The following EEF1E1 variants were observed in gnomAD, a reference collection of about 807,000 sequenced individuals.
EEF1E1 encodes the protein eukaryotic translation elongation factor 1 epsilon 1, also known as eukaryotic translation elongation factor 1 epsilon-1.
In EEF1E1, 19 loss-of-function variants were observed where a neutral mutation model predicts 19.9. That is an observed-to-expected ratio of 0.95 (90% CI 0.66 to 1.40). EEF1E1 has a LOEUF of 1.40. Among genes scored for constraint, EEF1E1 ranks in the 40% most tolerant of loss-of-function variants. The pLI is 0.00. For missense variants in EEF1E1, 198 were observed against 202.2 expected (o/e 0.98, Z 0.13); for synonymous variants, 81 against 80.0 (o/e 1.01, Z -0.07).
intron 3 of EEF1E1, among the ~76,000 whole-genome samples, chr6:8,073,956 A>C (rs969078115): frequency 9.9e-5 from 15 of 152,204 alleles, no homozygotes; most frequent in African/African-American, 3.4e-4. Context: ...CCGACTACAC[A>C]TCTGGCCTCC....
chr6:8,087,001 G>A (rs756702115), intron 3 of EEF1E1, among the ~76,000 whole-genome samples: 10 of 152,168 alleles, frequency 6.6e-5, no homozygotes, highest in Non-Finnish European at 1.2e-4. Context: ...CCTCAATGTG[G>A]TTTAGGCGCC....
chr6:8,090,050 G>T (rs1423819004), intron 3 of EEF1E1, 136 bp downstream of exon 3: 2 of 561,060 alleles, frequency 3.6e-6, no homozygotes, highest in African/African-American at 2.0e-5. Context: ...GTTACAAAAG[G>T]CACCTTGTAT....
chr6:8,080,681 A>G (rs1409047823), intron 3 of EEF1E1, among the ~76,000 whole-genome samples: 1 of 152,258 alleles, frequency 6.6e-6, no homozygotes, highest in Non-Finnish European at 1.5e-5. Context: ...TAGGTGACTC[A>G]AAGACTTTTC....
chr6:8,095,797 C>G (rs1758157244), intron 2 of EEF1E1, among the ~76,000 whole-genome samples: 1 of 152,080 alleles, frequency 6.6e-6, no homozygotes, highest in Admixed American at 6.5e-5. Flanking sequence ...CTTAAAATAG[C>G]AAAACAAAAC....
downstream of EEF1E1, among the ~76,000 whole-genome samples, chr6:8,076,693 GAA>G (rs1373072116): frequency 3.9e-5 from 6 of 152,208 alleles, no homozygotes; most frequent in Non-Finnish European, 7.3e-5. Context: ...GCTGTAGAAT[GAA>G]TGTTGTGTTA....
At chr6:8,080,085 T>C in intron 3 of EEF1E1, 55 bp from the exon 4 acceptor site, 1 of 1,578,416 alleles carries the variant, frequency 6.3e-7, no homozygotes, top group Non-Finnish European at 8.7e-7. Flanking sequence ...TAAGCACAAC[T>C]GTTAATATCA....
chr6:8,094,439 A>G (rs2113660002), intron 2 of EEF1E1, among the ~76,000 whole-genome samples: 1 of 152,068 alleles, frequency 6.6e-6, no homozygotes, highest in Non-Finnish European at 1.5e-5. Flanking sequence ...TCTACTAAAA[A>G]TACAAAAAAA....
At chr6:8,102,353 G>A in intron 1 of EEF1E1, 82 bp downstream of exon 1, 1 of 1,389,688 alleles carries the variant, frequency 7.2e-7, no homozygotes, top group Non-Finnish European at 9.8e-7. Context: ...CCCGTATCTG[G>A]TGGCCGGCCC....
At chr6:8,080,834 T>C (rs1757705766) in intron 3 of EEF1E1, among the ~76,000 whole-genome samples, 1 of 152,246 alleles carries the variant, frequency 6.6e-6, no homozygotes, top group Non-Finnish European at 1.5e-5. Flanking sequence ...TGCAAGTCTC[T>C]ATAATGCTGA....
intron 3 of EEF1E1, among the ~76,000 whole-genome samples, chr6:8,080,318 C>A (rs926314659): frequency 6.6e-6 from 1 of 152,060 alleles, no homozygotes; most frequent in African/African-American, 2.4e-5. Flanking sequence ...ATTTGGAGGT[C>A]AAATAATTTG....
At chr6:8,102,140 T>C (rs1245335584) in intron 1 of EEF1E1, 7 of 1,290,002 alleles carry the variant, frequency 5.4e-6, no homozygotes, top group African/African-American at 3.1e-5. Context: ...CTAAGAGCCC[T>C]GTGAGGACCC....
intron 1 of EEF1E1, chr6:8,102,116 C>A: frequency 1.6e-6 from 2 of 1,279,462 alleles, no homozygotes; most frequent in Admixed American, 3.5e-5. Flanking sequence ...TTACTGAATA[C>A]ATTCCAGGTT....
rs1581455156 is a variant in EEF1E1 at position 8,079,952 on chromosome 6, T to A, written c.463A>T (p.Ile155Phe). The change falls in exon 4 of 4, where the codon ATC becomes TTC. Residue 155 changes from isoleucine (I) to phenylalanine (F), a missense_variant. Ile to Phe is a conservative substitution (Grantham distance 21). Coordinates refer to ENST00000379715, the MANE Select transcript of EEF1E1 (RefSeq NM_004280.5). ...WFCHIQHYPG[I>F]RQHLSSVVFI... ...ACAACACTAGACAGATGTTGCCTGA[T>A]GCCTGGATAATGCTGAATGTGACAA... The A allele has an allele frequency of 6.2e-7, 1 of 1,613,608 alleles. No homozygotes were observed. Among genetic ancestry groups the A allele is most frequent in the Non-Finnish European group, 8.5e-7 (1 of 1,179,954 alleles).
chr6:8,074,508 T>C (rs894443947), downstream of EEF1E1, among the ~76,000 whole-genome samples: 1 of 152,102 alleles, frequency 6.6e-6, no homozygotes, highest in African/African-American at 2.4e-5. Flanking sequence ...AAGAAACAGA[T>C]AATCAAAAAC....
chr6:8,074,585 T>C (rs536291415), downstream of EEF1E1, among the ~76,000 whole-genome samples: 11 of 152,250 alleles, frequency 7.2e-5, no homozygotes, highest in South Asian at 1.0e-3. Context: ...CATGAGGACA[T>C]TGACAAAGCA....
chr6:8,079,661 A>G lies in EEF1E1; in HGVS notation c.*229T>C, dbSNP rs1757677808. Reference sequence around the variant, plus strand: ...CATCTACTAAAAACAAGGTTAATTTATAACTGGATCTCAACTTGTTTAATA... The same window carrying G: ...CATCTACTAAAAACAAGGTTAATTTGTAACTGGATCTCAACTTGTTTAATA... On this transcript the variant is annotated 3_prime_UTR_variant, in exon 4 of 4. Transcript: ENST00000379715. 2 of 1,204,386 alleles carry G rather than the reference A, an allele frequency of 1.7e-6. No homozygotes were observed. The highest frequency in any genetic ancestry group is 6.9e-5 in the South Asian group (2 of 28,952). 74.6% of individuals were successfully genotyped at this position (1,204,386 alleles called of 1,614,324 possible). A position where few individuals can be genotyped will look rare whatever the true frequency, so the allele number is the denominator to read the frequency against.
intron 2 of EEF1E1, among the ~76,000 whole-genome samples, chr6:8,090,844 T>C (rs971591734): frequency 6.6e-5 from 10 of 152,226 alleles, no homozygotes; most frequent in Non-Finnish European, 1.0e-4. Context: ...AGTTCCTCCA[T>C]GTAGCATGCA....
downstream of EEF1E1, among the ~76,000 whole-genome samples, chr6:8,076,929 T>TTTTTTTG (rs1757605164): frequency 7.0e-6 from 1 of 143,316 alleles, no homozygotes; most frequent in African/African-American, 2.5e-5. Flanking sequence ...TAGCATGATT[T>TTTTTTTG]TTTTTGTTTT....
At chr6:8,087,793 C>G (rs541050981) in intron 3 of EEF1E1, among the ~76,000 whole-genome samples, 1 of 142,788 alleles carries the variant, frequency 7.0e-6, no homozygotes, top group Admixed American at 7.0e-5. Flanking sequence ...GTCATTGGAT[C>G]ACAGGAAAAG....
Sources: gnomAD v4.1 joint callset for allele counts (sites outside exome capture counted in the v4.1 genomes callset) on GRCh38, gnomAD v4.1.1 for gene constraint, MANE v1.5 for transcripts, NCBI Gene and HGNC (gene_info 2026-07-23, HGNC 2026-07-21) for gene names.